The following FAM135B variants were observed in gnomAD, a reference collection of about 807,000 sequenced individuals.
FAM135B encodes family with sequence similarity 135 member B, also known as protein FAM135B.
Under a neutral mutation model 127.7 loss-of-function variants are expected in FAM135B, and 43 were observed. The observed-to-expected ratio is 0.34, with a 90% CI of 0.26 to 0.43. FAM135B has a LOEUF of 0.43. Among genes scored for constraint, FAM135B ranks in the 20% least tolerant of loss-of-function variants. The pLI is 1.00. For synonymous variants in FAM135B, 670 were observed against 665.1 expected, an observed-to-expected ratio of 1.01 and a Z score of -0.11; for missense variants, 1,558 against 1,725.6, an observed-to-expected ratio of 0.90 and a Z score of 1.72.
chr8:138,204,956 T>C (rs143191965), intron 7 of FAM135B, among the ~76,000 whole-genome samples: 2,729 of 152,320 alleles, frequency 0.018, 86 homozygotes, highest in African/African-American at 0.058. Context: ...TTTAGCAGAC[T>C]TCAAAATCTA....
At position 138,218,764 on chromosome 8, in the gene FAM135B, CACAG is replaced by C. The variant is rs1410119082; in HGVS notation, c.670-21099_670-21096del. On this transcript the variant is annotated intron_variant, in intron 7 of 19. Transcript: ENST00000395297. ...TCCCAAACTTACACGCACACACACA[CACAG>C]AGAGAGAGAGAGAGAGAGAGAGAGA... Among the ~76,000 whole-genome samples, 33 of 67,482 alleles carry C rather than the reference CACAG, an allele frequency of 4.9e-4. No individual in the cohort carries two copies. In the East Asian group the frequency reaches 7.6e-3, roughly 16 times the overall value. The allele number at this position is 67,482 out of a possible 152,430, so 44.3% of individuals were successfully genotyped here. A position where few individuals can be genotyped will look rare whatever the true frequency, so the allele number is the denominator to read the frequency against.
intron 1 of FAM135B, among the ~76,000 whole-genome samples, chr8:138,402,433 G>T (rs1481749214): frequency 6.6e-6 from 1 of 152,092 alleles, no homozygotes. Context: ...GATGGCTTCT[G>T]TTTACTGTAG....
intron 1 of FAM135B, chr8:138,440,300 G>A (rs1835686263): frequency 6.6e-6 from 1 of 152,024 alleles, no homozygotes. Flanking sequence ...GCATATTTCT[G>A]GGGTTACTTT....
At chr8:138,398,646 T>C (rs1048914305) in intron 1 of FAM135B, among the ~76,000 whole-genome samples, 1 of 152,086 alleles carries the variant, frequency 6.6e-6, no homozygotes, top group Non-Finnish European at 1.5e-5. Context: ...GGAAGTGGCA[T>C]AGGGAGCAGA....
intron 1 of FAM135B, among the ~76,000 whole-genome samples, chr8:138,473,899 A>G (rs906252166): frequency 1.6e-4 from 25 of 152,200 alleles, no homozygotes; most frequent in Admixed American, 2.6e-4. Context: ...CAAGCATTGT[A>G]TAAGTGTGCA....
intron 7 of FAM135B, among the ~76,000 whole-genome samples, chr8:138,218,956 T>C (rs968139236): frequency 1.6e-4 from 25 of 152,172 alleles, no homozygotes; most frequent in African/African-American, 5.8e-4. Context: ...TTTCTAAAAT[T>C]CCAACAATAA....
intron 1 of FAM135B, among the ~76,000 whole-genome samples, chr8:138,375,176 T>A (rs1027340647): frequency 2.7e-4 from 41 of 152,102 alleles, no homozygotes; most frequent in African/African-American, 9.7e-4. Flanking sequence ...AGCCAGGGAC[T>A]AGCAGAATGC....
intron 8 of FAM135B, among the ~76,000 whole-genome samples, chr8:138,197,085 G>A (rs1019625799): frequency 3.3e-5 from 2 of 60,714 alleles, no homozygotes; most frequent in South Asian, 8.4e-4. Context: ...ATGTGTGTGT[G>A]TGTGTGTGTG....
chr8:138,361,839 C>T (rs1830441116), intron 2 of FAM135B, among the ~76,000 whole-genome samples: 1 of 152,154 alleles, frequency 6.6e-6, no homozygotes, highest in Non-Finnish European at 1.5e-5. Context: ...TGTTATTTCA[C>T]TCCGAGACAT....
At position 138,386,365 on chromosome 8, in the gene FAM135B, A is replaced by G. The variant is rs564169241; in HGVS notation, c.-19-18363T>C. Among the ~76,000 whole-genome samples the G allele has an allele frequency of 1.1e-4, 16 of 152,306 alleles. No homozygotes were observed. The East Asian group carries it at 3.1e-3, about 29-fold the overall frequency. On this transcript the variant is annotated intron_variant, in intron 1 of 19. Transcript: ENST00000395297. ...GAAGGAGACAGCCTCAGTTCCCTCA[A>G]GCCACCAGGTAATAAAACTATTGAT...
At chr8:138,143,319 T>C (rs1817373472) in intron 15 of FAM135B, among the ~76,000 whole-genome samples, 1 of 152,074 alleles carries the variant, frequency 6.6e-6, no homozygotes, top group Non-Finnish European at 1.5e-5. Flanking sequence ...TCAGGAACGC[T>C]CAGCTGGGAG....
intron 1 of FAM135B, among the ~76,000 whole-genome samples, chr8:138,385,867 G>A (rs1209315552): frequency 6.6e-6 from 1 of 151,994 alleles, no homozygotes; most frequent in Admixed American, 6.6e-5. Flanking sequence ...AAGGAAACGG[G>A]CCAGACTTTT....
intron 7 of FAM135B, among the ~76,000 whole-genome samples, chr8:138,233,434 C>T (rs950525505): frequency 7.9e-5 from 12 of 152,076 alleles, no homozygotes; most frequent in African/African-American, 2.9e-4. Flanking sequence ...GCCTCCGCAA[C>T]AAATGATGAT....
Position 138,152,895 on chromosome 8 carries a change from C to T in FAM135B, c.1580G>A (p.Gly527Glu), listed in dbSNP as rs371925481. 1.2e-6 allele frequency: 2 copies of T among 1,614,036 alleles called. No individual in the cohort carries two copies. Among genetic ancestry groups the T allele is most frequent in the African/African-American group, 2.7e-5 (2 of 74,924 alleles). The change falls in exon 13 of 20, where the codon GGG (glycine) becomes GAG (glutamate). Residue 527 changes from glycine to glutamate, a missense_variant. Gly to Glu is a moderately conservative substitution (Grantham distance 98, BLOSUM62 -2). Transcript: ENST00000395297. ...ATCCACATCTGCCACTGGATATGTC[C>T]CAGCATCAGATGTTTGGCCAGTCCA... ...ECWTGQTSDA[G>E]TYPVADVDTS...
At chr8:138,391,908 C>A (rs1832598183) in intron 1 of FAM135B, among the ~76,000 whole-genome samples, 1 of 152,124 alleles carries the variant, frequency 6.6e-6, no homozygotes, top group Non-Finnish European at 1.5e-5. Flanking sequence ...GCTGTGATCC[C>A]CAGCTGCTCA....
At chr8:138,203,748 C>CAT (rs1421618058) in intron 7 of FAM135B, among the ~76,000 whole-genome samples, 1 of 152,082 alleles carries the variant, frequency 6.6e-6, no homozygotes, top group Non-Finnish European at 1.5e-5. Context: ...AAGAGCATTA[C>CAT]ATTTATTGTA....
At position 138,158,112 on chromosome 8, in the gene FAM135B, T is replaced by C. The variant is rs576774661; in HGVS notation, c.1259-4896A>G. ...GTACTAAAACAGAGATATAGACCAA[T>C]GGAACAGAACAGAACCCTCAGAAAT... is the stretch of plus-strand genomic sequence containing the variant. On this transcript the variant is annotated intron_variant, in intron 12 of 19. Coordinates refer to ENST00000395297, the MANE Select transcript of FAM135B (RefSeq NM_015912.4). Among the ~76,000 whole-genome samples the C allele has an allele frequency of 9.8e-4, 149 of 152,228 alleles. 1 individual carries two copies. The highest frequency in any genetic ancestry group is 3.3e-3 in the African/African-American group (137 of 41,538).
chr8:138,257,408 A>T (rs1434143670), intron 4 of FAM135B, among the ~76,000 whole-genome samples: 1 of 129,026 alleles, frequency 7.8e-6, no homozygotes, highest in Non-Finnish European at 1.5e-5. Flanking sequence ...TTGCTTTAAG[A>T]AAAAAAAAAC....
intron 2 of FAM135B, among the ~76,000 whole-genome samples, chr8:138,323,702 G>C (rs920637345): frequency 6.6e-6 from 1 of 152,178 alleles, no homozygotes; most frequent in Admixed American, 6.5e-5. Context: ...TTCTTACTGT[G>C]GGATCTGATT....
Sources: gnomAD v4.1 joint callset for allele counts (sites outside exome capture counted in the v4.1 genomes callset) on GRCh38, gnomAD v4.1.1 for gene constraint, MANE v1.5 for transcripts, NCBI Gene and HGNC (gene_info 2026-07-23, HGNC 2026-07-21) for gene names.